Variants in STXBP5L observed in about 807,000 individuals in gnomAD.
The protein encoded by STXBP5L is syntaxin-binding protein 5-like.
STXBP5L carries 65 observed loss-of-function variants against 144.5 expected under a neutral mutation model. That is an observed-to-expected ratio of 0.45 (90% CI 0.37 to 0.55). The LOEUF is 0.55. Ranked by LOEUF, STXBP5L falls within the 20% of genes least tolerant of loss-of-function variation. STXBP5L has a pLI of 0.00. For missense variants in STXBP5L, 1,298 were observed against 1,405.5 expected (o/e 0.92, Z 1.22); for synonymous variants, 505 against 469.6 (o/e 1.08, Z -0.97).
chr3:121,039,568 T>A (rs1410837931), intron 3 of STXBP5L, among the ~76,000 whole-genome samples: 1 of 151,990 alleles, frequency 6.6e-6, no homozygotes, highest in Non-Finnish European at 1.5e-5. Flanking sequence ...AGATACTATT[T>A]GATATCATTT....
intron 7 of STXBP5L, among the ~76,000 whole-genome samples, chr3:121,134,501 C>A (rs192630412): frequency 6.6e-6 from 1 of 152,064 alleles, no homozygotes; most frequent in East Asian, 1.9e-4. Context: ...GTGTGCTGCA[C>A]CCATTAACTC....
In STXBP5L at chr3:120,966,576, T is replaced by A. The variant is rs186100321; in HGVS notation, c.287+11539T>A. On this transcript the variant is annotated intron_variant, in intron 3 of 26. Coordinates refer to ENST00000471454, the MANE Select transcript of STXBP5L (RefSeq NM_001308330.2). ...GTCTTTTGGAGTTTGCTGGAATTCC[T>A]CTCCAGGTCCTGTTTGCCTGGGTAT... is the stretch of plus-strand genomic sequence containing the variant. 2.6e-5 allele frequency among the ~76,000 whole-genome samples: 4 copies of A among 152,300 alleles called. No homozygotes were observed. In the East Asian group the frequency reaches 7.7e-4, roughly 29 times the overall value.
chr3:120,936,241 C>T (rs1710258072), intron 2 of STXBP5L, among the ~76,000 whole-genome samples: 1 of 152,126 alleles, frequency 6.6e-6, no homozygotes, highest in South Asian at 2.1e-4. Context: ...AAATTACCCA[C>T]CTGTTCTTAC....
At chr3:121,256,077 T>C (rs2108378179) in intron 16 of STXBP5L, among the ~76,000 whole-genome samples, 1 of 152,222 alleles carries the variant, frequency 6.6e-6, no homozygotes, top group Admixed American at 6.5e-5. Flanking sequence ...TAGTAGAATG[T>C]AGCTATGATT....
chr3:120,969,422 TG>T (rs1179052133), intron 3 of STXBP5L, among the ~76,000 whole-genome samples: 2 of 151,336 alleles, frequency 1.3e-5, no homozygotes, highest in African/African-American at 4.8e-5. Flanking sequence ...CTTGTTAATT[TG>T]TTTGAGTTCC....
intron 9 of STXBP5L, among the ~76,000 whole-genome samples, chr3:121,188,915 G>A (rs1015367157): frequency 6.6e-6 from 1 of 152,158 alleles, no homozygotes; most frequent in Non-Finnish European, 1.5e-5. Flanking sequence ...GGGATGCCCT[G>A]CCTCACCACT....
chr3:121,243,649 G>T (rs893196484), intron 14 of STXBP5L, among the ~76,000 whole-genome samples: 5 of 150,580 alleles, frequency 3.3e-5, no homozygotes, highest in African/African-American at 1.2e-4. Context: ...AGATAACTTT[G>T]CCTCAAAATA....
At chr3:120,975,098 A>T (rs1029102668) in intron 3 of STXBP5L, among the ~76,000 whole-genome samples, 5 of 152,110 alleles carry the variant, frequency 3.3e-5, no homozygotes, top group Non-Finnish European at 7.4e-5. Flanking sequence ...TGGTAGTTTG[A>T]TGGGGATGGC....
At chr3:121,267,530 G>A (rs1038987276) in intron 18 of STXBP5L, among the ~76,000 whole-genome samples, 31 of 152,216 alleles carry the variant, frequency 2.0e-4, no homozygotes, top group Middle Eastern at 3.4e-3. Context: ...AACATCAAAA[G>A]CAATGGTAAC....
At chr3:121,309,913 C>G (rs371796830) in intron 19 of STXBP5L, among the ~76,000 whole-genome samples, 5 of 152,152 alleles carry the variant, frequency 3.3e-5, no homozygotes, top group African/African-American at 9.7e-5. Context: ...AACTTCACTA[C>G]CTGATTTCAA....
intron 3 of STXBP5L, among the ~76,000 whole-genome samples, chr3:120,979,641 G>A (rs369173919): frequency 3.9e-5 from 6 of 152,266 alleles, no homozygotes; most frequent in South Asian, 2.1e-4. Flanking sequence ...CTTCTGCGTC[G>A]CTCACACTGG....
intron 19 of STXBP5L, among the ~76,000 whole-genome samples, chr3:121,311,874 C>G (rs571198045): frequency 6.6e-6 from 1 of 151,996 alleles, no homozygotes; most frequent in Non-Finnish European, 1.5e-5. Context: ...AAAAAGAGCC[C>G]GCATCACCAA....
intron 3 of STXBP5L, among the ~76,000 whole-genome samples, chr3:121,036,948 A>G (rs1946801321): frequency 1.3e-5 from 2 of 151,810 alleles, no homozygotes; most frequent in African/African-American, 4.8e-5. Flanking sequence ...TTTTTTAGAG[A>G]TGAGGTCTTT....
intron 2 of STXBP5L, among the ~76,000 whole-genome samples, chr3:120,929,215 G>C (rs1357649983): frequency 6.6e-6 from 1 of 152,078 alleles, no homozygotes; most frequent in Non-Finnish European, 1.5e-5. Context: ...TGATTATTCT[G>C]GGCTGATGAT....
At chr3:121,103,090 T>C (rs370342445) in intron 5 of STXBP5L, among the ~76,000 whole-genome samples, 112 of 152,294 alleles carry the variant, frequency 7.4e-4, no homozygotes, top group South Asian at 3.9e-3. Context: ...GGAATGTTTG[T>C]ACACCTTTGG....
chr3:121,072,268 G>C (rs2041840964), intron 5 of STXBP5L, among the ~76,000 whole-genome samples: 1 of 152,188 alleles, frequency 6.6e-6, no homozygotes, highest in Admixed American at 6.5e-5. Context: ...TCTGGCTTGA[G>C]GCAGCTCCAT....
At chr3:120,988,504 A>C (rs1328229023) in intron 3 of STXBP5L, among the ~76,000 whole-genome samples, 1 of 151,898 alleles carries the variant, frequency 6.6e-6, no homozygotes, top group Non-Finnish European at 1.5e-5. Context: ...AAAGTTTTTG[A>C]GATTTGTTTT....
chr3:121,344,205 G>A (rs556513311), intron 20 of STXBP5L, among the ~76,000 whole-genome samples: 1 of 152,076 alleles, frequency 6.6e-6, no homozygotes, highest in Non-Finnish European at 1.5e-5. Flanking sequence ...TATGTAGAAA[G>A]CTGAAACTGG....
intron 12 of STXBP5L, among the ~76,000 whole-genome samples, chr3:121,234,347 C>A (rs1912747): frequency 0.12 from 18,311 of 152,096 alleles, 1,160 homozygotes; most frequent in Non-Finnish European, 0.14. Context: ...GAATGACTTT[C>A]TCTTCATTTT....
Sources: gnomAD v4.1 joint callset for allele counts (sites outside exome capture counted in the v4.1 genomes callset) on GRCh38, gnomAD v4.1.1 for gene constraint, MANE v1.5 for transcripts, NCBI Gene and HGNC (gene_info 2026-07-23, HGNC 2026-07-21) for gene names.